Variants in FAAH2 observed in about 807,000 individuals in gnomAD.
FAAH2 encodes the protein fatty-acid amide hydrolase 2.
A neutral mutation model predicts 36.9 loss-of-function variants in FAAH2; 60 were observed. That is an observed-to-expected ratio of 1.63 (90% confidence interval 1.32 to 2.02). FAAH2 has a LOEUF of 2.02. FAAH2 is among the 30% of genes most tolerant of loss of function. FAAH2 has a pLI of 0.00. For missense variants in FAAH2, 689 were observed against 397.5 expected, an observed-to-expected ratio of 1.73 and a Z score of -6.23; for synonymous variants, 214 against 143.8, an observed-to-expected ratio of 1.49 and a Z score of -3.49.
chrX:57,487,630 G>A (rs1160183847), intron 10 of FAAH2, among the ~76,000 whole-genome samples: 3 of 112,176 alleles, frequency 2.7e-5, no homozygotes, highest in East Asian at 5.6e-4. Context: ...GGGTTAATGA[G>A]CATGTGGAGT....
At chrX:57,178,199 T>C in the FAAH2 span, among the ~76,000 whole-genome samples, 3 of 112,023 alleles carry the variant, frequency 2.7e-5, no homozygotes, top group Non-Finnish European at 5.6e-5. Context: ...ATAACATTAC[T>C]ATGTTGGCTT....
chrX:57,391,788 T>G (rs1167143883), intron 7 of FAAH2, among the ~76,000 whole-genome samples: 1 of 110,913 alleles, frequency 9.0e-6, no homozygotes, highest in Non-Finnish European at 1.9e-5. Context: ...ATGAAAAATT[T>G]ATTTGGCTCT....
At chrX:57,176,763 A>T in the FAAH2 span, among the ~76,000 whole-genome samples, 2 of 111,047 alleles carry the variant, frequency 1.8e-5, no homozygotes, top group Non-Finnish European at 3.8e-5. Flanking sequence ...TTATAAAGTA[A>T]TTTTTCCCCC....
chrX:57,393,601 C>T (rs779689354), intron 7 of FAAH2: 434 of 891,964 alleles, frequency 4.9e-4, no homozygotes, highest in Non-Finnish European at 6.5e-4. Flanking sequence ...TTGTGTCCTT[C>T]ATAAGCACTA....
At chrX:57,126,949 T>G in the FAAH2 span, 10 of 111,734 alleles carry the variant, frequency 8.9e-5, no homozygotes, top group African/African-American at 9.7e-5. Context: ...AATACTTATG[T>G]AATGAAGATG....
At chrX:57,374,377 A>G (rs2054620010) in intron 5 of FAAH2, among the ~76,000 whole-genome samples, 1 of 111,651 alleles carries the variant, frequency 9.0e-6, no homozygotes, top group East Asian at 2.8e-4. Context: ...TGTTTCATCT[A>G]TGATTTCTTT....
intron 7 of FAAH2, among the ~76,000 whole-genome samples, chrX:57,419,398 A>T (rs2055943257): frequency 9.0e-6 from 1 of 111,346 alleles, no homozygotes; most frequent in Non-Finnish European, 1.9e-5. Flanking sequence ...TGGCTTTTTA[A>T]TGATTGCCAT....
intron 5 of FAAH2, among the ~76,000 whole-genome samples, chrX:57,368,953 A>T (rs1481459497): frequency 1.8e-5 from 2 of 109,936 alleles, no homozygotes; most frequent in African/African-American, 6.6e-5. Flanking sequence ...ACAAGAGTAC[A>T]CAGACACACA....
chrX:57,251,385 A>G, the FAAH2 span, among the ~76,000 whole-genome samples: 1 of 111,890 alleles, frequency 8.9e-6, no homozygotes, highest in Non-Finnish European at 1.9e-5. Context: ...CCAAGTCAAC[A>G]GCTAACCTCA....
intron 4 of FAAH2, among the ~76,000 whole-genome samples, chrX:57,336,398 C>T (rs750666816): frequency 2.7e-5 from 3 of 111,612 alleles, no homozygotes; most frequent in Admixed American, 1.9e-4. Context: ...AAATAAACAG[C>T]TTTATTGCTC....
intron 10 of FAAH2, among the ~76,000 whole-genome samples, chrX:57,459,490 C>T (rs1048822823): frequency 8.9e-5 from 10 of 112,504 alleles, no homozygotes; most frequent in Non-Finnish European, 1.3e-4. Context: ...AGTGGTCAAG[C>T]TCTGCTAAGG....
intron 5 of FAAH2, among the ~76,000 whole-genome samples, chrX:57,374,200 A>G (rs2054615409): frequency 9.0e-6 from 1 of 111,278 alleles, no homozygotes; most frequent in Non-Finnish European, 1.9e-5. Flanking sequence ...CTATGCAGAT[A>G]CTTTTTGGGT....
chrX:57,132,751 G>A, the FAAH2 span, among the ~76,000 whole-genome samples: 1 of 112,351 alleles, frequency 8.9e-6, no homozygotes, highest in African/African-American at 3.2e-5. Flanking sequence ...GACAAACCTT[G>A]TCTCCCCTCC....
intron 4 of FAAH2, among the ~76,000 whole-genome samples, chrX:57,340,103 C>T (rs887297997): frequency 9.0e-6 from 1 of 111,678 alleles, no homozygotes; most frequent in African/African-American, 3.3e-5. Context: ...AATCTGTGGC[C>T]AAAGGCCCAA....
chrX:57,441,297 C>T (rs953535005), intron 8 of FAAH2, among the ~76,000 whole-genome samples: 2 of 111,315 alleles, frequency 1.8e-5, no homozygotes, highest in African/African-American at 3.3e-5. Flanking sequence ...TTGGTGTATT[C>T]AGTGATTCAA....
intron 5 of FAAH2, 61 bp from the exon 6 acceptor site, chrX:57,378,590 A>G: frequency 8.4e-7 from 1 of 1,185,909 alleles, no homozygotes; most frequent in Non-Finnish European, 1.1e-6. Flanking sequence ...CCATAATGAA[A>G]TACAACATGC....
At chrX:57,418,357 T>C (rs1489835740) in intron 7 of FAAH2, among the ~76,000 whole-genome samples, 1 of 111,684 alleles carries the variant, frequency 9.0e-6, no homozygotes, top group Non-Finnish European at 1.9e-5. Flanking sequence ...GCCCTGGTGG[T>C]GTAGGCACCT....
chrX:57,174,096 G>T, the FAAH2 span, among the ~76,000 whole-genome samples: 1 of 110,962 alleles, frequency 9.0e-6, no homozygotes, highest in African/African-American at 3.3e-5. Context: ...ACTTAGGGAG[G>T]ATATTTAAGA....
chrX:57,161,487 G>T, the FAAH2 span, among the ~76,000 whole-genome samples: 2 of 111,114 alleles, frequency 1.8e-5, no homozygotes, highest in Non-Finnish European at 3.8e-5. Context: ...ATTATTGTGT[G>T]GGAGTCTAAG....
Sources: gnomAD v4.1 joint callset for allele counts (sites outside exome capture counted in the v4.1 genomes callset) on GRCh38, gnomAD v4.1.1 for gene constraint, MANE v1.5 for transcripts, NCBI Gene and HGNC (gene_info 2026-07-23, HGNC 2026-07-21) for gene names.